Variants in LMO7 observed in about 807,000 individuals in gnomAD.
The protein encoded by LMO7 is LIM domain only protein 7.
In LMO7, 120 loss-of-function variants were observed where a neutral mutation model predicts 206.5. That is an observed-to-expected ratio of 0.58 (90% CI 0.50 to 0.68). The LOEUF is 0.68. LMO7 is among the 30% of genes least tolerant of loss of function. The pLI is 0.00. For synonymous variants in LMO7, 706 were observed against 681.5 expected, an observed-to-expected ratio of 1.04 and a Z score of -0.56; for missense variants, 1,959 against 1,957.9, an observed-to-expected ratio of 1.00 and a Z score of -0.01.
intron 1 of LMO7, among the ~76,000 whole-genome samples, chr13:75,705,294 C>G (rs2042574395): frequency 6.6e-6 from 1 of 152,252 alleles, no homozygotes; most frequent in Non-Finnish European, 1.5e-5. Context: ...GTAGATAGGG[C>G]AAATATTAAT....
intron 1 of LMO7, among the ~76,000 whole-genome samples, chr13:75,680,466 T>C (rs2040383348): frequency 6.6e-6 from 1 of 152,238 alleles, no homozygotes; most frequent in Admixed American, 6.5e-5. Context: ...CTTTGAGTAA[T>C]TGCCACACTG....
chr13:75,625,498 T>C (rs1474687735), intron 2 of LMO7, among the ~76,000 whole-genome samples: 1 of 152,102 alleles, frequency 6.6e-6, no homozygotes, highest in Non-Finnish European at 1.5e-5. Context: ...ATTAAAGTCT[T>C]AGGCAGGGCT....
At chr13:75,733,938 C>T (rs2045545536) in intron 3 of LMO7, among the ~76,000 whole-genome samples, 1 of 152,178 alleles carries the variant, frequency 6.6e-6, no homozygotes, top group Non-Finnish European at 1.5e-5. Context: ...CAATGGTGGC[C>T]CAGACTGCGA....
chr13:75,789,683 C>G (rs537583139), intron 4 of LMO7, among the ~76,000 whole-genome samples: 1 of 152,244 alleles, frequency 6.6e-6, no homozygotes, highest in East Asian at 1.9e-4. Flanking sequence ...CTCCTTAGAG[C>G]ATAGTATGCT....
chr13:75,676,556 A>G (rs770558511), intron 1 of LMO7, among the ~76,000 whole-genome samples: 2 of 152,144 alleles, frequency 1.3e-5, no homozygotes, highest in Non-Finnish European at 2.9e-5. Flanking sequence ...AATTCTGTGA[A>G]TGTCTCTCTC....
At chr13:75,832,205 A>G (rs114673145) in intron 15 of LMO7, among the ~76,000 whole-genome samples, 19 of 152,342 alleles carry the variant, frequency 1.2e-4, no homozygotes, top group African/African-American at 4.6e-4. Flanking sequence ...AGGTTTGCAC[A>G]GACGTAGTAT....
At position 75,727,330 on chromosome 13, in the gene LMO7, T is replaced by C. The variant is rs552659762; in HGVS notation, c.210+232T>C. ...TATTTATTTAATAAGAAAAACTAGA[T>C]GTATATTTAAATGGCACAAATGATA... On this transcript the variant is annotated intron_variant, in intron 3 of 30. Coordinates refer to ENST00000377534, the MANE Select transcript of LMO7 (RefSeq NM_001306080.2). 2.0e-5 allele frequency among the ~76,000 whole-genome samples: 3 copies of C among 151,992 alleles called. No individual in the cohort carries two copies. In the East Asian group the frequency reaches 5.8e-4, roughly 29 times the overall value.
At chr13:75,812,556 A>G (rs1306811405) in intron 11 of LMO7, among the ~76,000 whole-genome samples, 4 of 152,118 alleles carry the variant, frequency 2.6e-5, no homozygotes, top group East Asian at 1.9e-4. Context: ...ATAGTCACCT[A>G]TAAAGTTCCT....
intron 7 of LMO7, among the ~76,000 whole-genome samples, chr13:75,801,798 T>C (rs1441778854): frequency 1.3e-5 from 2 of 152,228 alleles, no homozygotes; most frequent in Non-Finnish European, 2.9e-5. Flanking sequence ...ATTTGGAATA[T>C]TACTTTTCTA....
At chr13:75,659,594 A>G (rs1460832601) in intron 1 of LMO7, among the ~76,000 whole-genome samples, 1 of 152,164 alleles carries the variant, frequency 6.6e-6, no homozygotes, top group African/African-American at 2.4e-5. Flanking sequence ...ATTCACTATG[A>G]CAAGAATAGC....
At chr13:75,633,910 T>C (rs1362634114), upstream of LMO7, among the ~76,000 whole-genome samples, 4 of 144,668 alleles carry the variant, frequency 2.8e-5, no homozygotes, top group African/African-American at 1.0e-4. Context: ...TGCAGTGGTG[T>C]GATCCTGGCT....
chr13:75,662,568 T>TTAGCC (rs2038704444), intron 1 of LMO7, among the ~76,000 whole-genome samples: 1 of 152,184 alleles, frequency 6.6e-6, no homozygotes, highest in South Asian at 2.1e-4. Flanking sequence ...ATCTGCCTGC[T>TTAGCC]TAGGCCTCCC....
At chr13:75,852,654 G>A (rs940756285) in intron 27 of LMO7, among the ~76,000 whole-genome samples, 2 of 152,190 alleles carry the variant, frequency 1.3e-5, no homozygotes, top group African/African-American at 4.8e-5. Flanking sequence ...TGATGTGAAA[G>A]TGATAAGCCT....
At chr13:75,641,277 C>A (rs2036505970) in intron 1 of LMO7, among the ~76,000 whole-genome samples, 1 of 152,186 alleles carries the variant, frequency 6.6e-6, no homozygotes. Context: ...TAGGCTGGAA[C>A]ATTTTGGCCT....
intron 4 of LMO7, among the ~76,000 whole-genome samples, chr13:75,790,945 T>C (rs999998987): frequency 7.9e-6 from 1 of 126,556 alleles, no homozygotes; most frequent in Non-Finnish European, 1.7e-5. Context: ...CCAAGATAGG[T>C]ATTTTTTTTT....
chr13:75,725,550 A>G (rs1289327892), intron 2 of LMO7, among the ~76,000 whole-genome samples: 1 of 152,116 alleles, frequency 6.6e-6, no homozygotes, highest in Non-Finnish European at 1.5e-5. Context: ...GGGAACAACT[A>G]GAAGAATTAA....
At chr13:75,743,526 A>T (rs188859559) in intron 3 of LMO7, among the ~76,000 whole-genome samples, 14 of 152,354 alleles carry the variant, frequency 9.2e-5, no homozygotes, top group African/African-American at 3.4e-4. Flanking sequence ...GTCATAAAAA[A>T]GAAAGAGATC....
At chr13:75,714,073 C>G (rs1026790141) in intron 2 of LMO7, among the ~76,000 whole-genome samples, 1 of 152,210 alleles carries the variant, frequency 6.6e-6, no homozygotes, top group African/African-American at 2.4e-5. Context: ...TTTATGCTAT[C>G]TGTCCACATG....
chr13:75,783,919 A>C (rs894475712), intron 4 of LMO7, among the ~76,000 whole-genome samples: 2 of 152,126 alleles, frequency 1.3e-5, no homozygotes, highest in Non-Finnish European at 2.9e-5. Context: ...TGAGCCTTTC[A>C]GCTAATTTTA....
Sources: allele counts gnomAD v4.1 joint callset (sites outside exome capture counted in the v4.1 genomes callset), GRCh38; gene constraint gnomAD v4.1.1; transcripts MANE v1.5; gene names NCBI Gene and HGNC (gene_info 2026-07-23, HGNC 2026-07-21).